Variants in KCNH1 observed in about 807,000 individuals in gnomAD.
KCNH1 encodes potassium voltage-gated channel subfamily H member 1, also known as voltage-gated delayed rectifier potassium channel KCNH1.
Under a neutral mutation model 69.2 loss-of-function variants are expected in KCNH1, and 27 were observed. That is an observed-to-expected ratio of 0.39 (90% CI 0.29 to 0.54). The LOEUF is 0.54. Among genes scored for constraint, KCNH1 ranks in the 20% least tolerant of loss-of-function variants. KCNH1 has a pLI of 0.68. For synonymous variants in KCNH1, 456 were observed against 487.7 expected, an observed-to-expected ratio of 0.93 and a Z score of 0.86; for missense variants, 798 against 1,261.6, an observed-to-expected ratio of 0.63 and a Z score of 5.57.
At chr1:211,102,585 C>T (rs1165136855) in intron 3 of KCNH1, among the ~76,000 whole-genome samples, 2 of 152,134 alleles carry the variant, frequency 1.3e-5, no homozygotes, top group Non-Finnish European at 2.9e-5. Context: ...ACCAAGCGAA[C>T]AGTAATCTCA....
In KCNH1 at chr1:211,092,816, T is replaced by C. The variant is rs1237460134; in HGVS notation, c.311-2126A>G. Among the ~76,000 whole-genome samples, 5 of 143,220 alleles carry C rather than the reference T, an allele frequency of 3.5e-5. No individual in the cohort carries two copies. The East Asian group carries it at 9.9e-4, about 28-fold the overall frequency. 94.0% of individuals were successfully genotyped at this position (143,220 alleles called of 152,430 possible). On this transcript the variant is annotated intron_variant, in intron 3 of 10. Coordinates refer to ENST00000271751, the MANE Select transcript of KCNH1 (RefSeq NM_172362.3). Reference sequence around the variant, plus strand: ...ATCTGTTAAGGCAAAAACACACAAATCAAAAAAAACCTTTTTTTTTTTGCT... The same window carrying C: ...ATCTGTTAAGGCAAAAACACACAAACCAAAAAAAACCTTTTTTTTTTTGCT...
chr1:211,097,464 G>GA (rs1304631924), intron 3 of KCNH1, among the ~76,000 whole-genome samples: 1 of 151,966 alleles, frequency 6.6e-6, no homozygotes, highest in African/African-American at 2.4e-5. Flanking sequence ...AAAGTTAAAA[G>GA]AAAAAATGTT....
At chr1:210,763,014 G>C (rs1241612569) in intron 10 of KCNH1, among the ~76,000 whole-genome samples, 1 of 152,106 alleles carries the variant, frequency 6.6e-6, no homozygotes, top group Non-Finnish European at 1.5e-5. Context: ...ACATCAAAAA[G>C]TTAATTCACT....
intron 6 of KCNH1, among the ~76,000 whole-genome samples, chr1:210,961,722 C>T (rs1219518332): frequency 6.6e-6 from 1 of 152,082 alleles, no homozygotes; most frequent in Non-Finnish European, 1.5e-5. Context: ...TGCCTATAAT[C>T]CCAGCTACTT....
intron 5 of KCNH1, among the ~76,000 whole-genome samples, chr1:211,052,574 A>C (rs1690226840): frequency 6.6e-6 from 1 of 152,210 alleles, no homozygotes; most frequent in South Asian, 2.1e-4. Context: ...GAGCCAAATG[A>C]AGCCAACACC....
intron 6 of KCNH1, among the ~76,000 whole-genome samples, chr1:210,987,837 G>C (rs971723786): frequency 2.6e-5 from 4 of 152,222 alleles, no homozygotes; most frequent in African/African-American, 9.6e-5. Context: ...TAAGTCTGCA[G>C]AGGTTACTGC....
chr1:210,933,737 T>C (rs1687725472), intron 6 of KCNH1, among the ~76,000 whole-genome samples: 1 of 152,086 alleles, frequency 6.6e-6, no homozygotes, highest in Admixed American at 6.5e-5. Context: ...GAAAGGATCA[T>C]TAGAGACTAT....
chr1:210,856,811 ATTATATATATT>A (rs1244145694), intron 7 of KCNH1, among the ~76,000 whole-genome samples: 1 of 122,992 alleles, frequency 8.1e-6, no homozygotes, highest in East Asian at 2.1e-4. Flanking sequence ...TTATATATAT[ATTATATATATT>A]TTATATATAA....
chr1:210,861,986 G>C, intron 7 of KCNH1: 1 of 759,590 alleles, frequency 1.3e-6, no homozygotes, highest in Non-Finnish European at 2.4e-6. Flanking sequence ...TCAGGAGGAT[G>C]GATAATGGCT....
chr1:210,978,899 G>A (rs1407378409), intron 6 of KCNH1, among the ~76,000 whole-genome samples: 2 of 152,166 alleles, frequency 1.3e-5, no homozygotes, highest in Non-Finnish European at 2.9e-5. Context: ...TTCACATGCT[G>A]TTGGGCCCTT....
chr1:211,080,880 G>T (rs1220535741), intron 5 of KCNH1, among the ~76,000 whole-genome samples: 2 of 152,074 alleles, frequency 1.3e-5, no homozygotes, highest in Non-Finnish European at 2.9e-5. Flanking sequence ...GAAAACCTAG[G>T]CAATACCATT....
rs748594307 is a variant in KCNH1 at position 210,963,663 on chromosome 1, G to A, written c.1033-43594C>T. On this transcript the variant is annotated intron_variant, in intron 6 of 10. Coordinates refer to ENST00000271751, the MANE Select transcript of KCNH1 (RefSeq NM_172362.3). ...GAAGCATACACAAGTATCAATAGCC[G>A]AATTGATCAAGCGGAAGAAAGGACA... Among the ~76,000 whole-genome samples the A allele has an allele frequency of 5.9e-5, 9 of 151,796 alleles. No homozygotes were observed. In the South Asian group the frequency reaches 8.3e-4, roughly 14 times the overall value.
At position 210,683,457 on chromosome 1, in the gene KCNH1, C is replaced by G. The variant is rs370643808; in HGVS notation, c.2794G>C (p.Glu932Gln). The G allele has an allele frequency of 5.0e-6, 8 of 1,613,998 alleles. No individual in the cohort carries two copies. Among genetic ancestry groups the G allele is most frequent in the Non-Finnish European group, 5.9e-6 (7 of 1,180,022 alleles). ...AAGGCCTTGATGTCCTCCTTCAGCT[C>G]GTGCCTCACCTCCAGGACTGTGGCC... ...LQATVLEVRH[E>Q]LKEDIKALNA... Residue 932 changes from glutamate (E) to glutamine (Q), a missense_variant, in exon 11 of 11, where the codon GAG (glutamate) becomes CAG (glutamine). Glu to Gln is a conservative substitution (Grantham distance 29). Transcript: ENST00000271751. The surrounding 1 kb of genome is among the most constrained non-coding windows in gnomAD (Gnocchi z 5.7).
At chr1:211,033,096 A>G (rs1689822717) in intron 5 of KCNH1, among the ~76,000 whole-genome samples, 1 of 152,192 alleles carries the variant, frequency 6.6e-6, no homozygotes, top group Admixed American at 6.5e-5. Context: ...CAAAAAGTGG[A>G]TGAAGGATAT....
chr1:210,911,708 C>T (rs144176285), intron 7 of KCNH1, among the ~76,000 whole-genome samples: 298 of 151,790 alleles, frequency 2.0e-3, no homozygotes, highest in African/African-American at 7.0e-3. Flanking sequence ...TGACCCTTAT[C>T]GGTTGGCATT....
chr1:211,024,138 T>A (rs1047726348), intron 5 of KCNH1, among the ~76,000 whole-genome samples: 13 of 152,218 alleles, frequency 8.5e-5, no homozygotes, highest in African/African-American at 3.1e-4. Flanking sequence ...GCACTGGACA[T>A]GCAGCATTGA....
At chr1:210,963,471 C>T (rs941533247) in intron 6 of KCNH1, among the ~76,000 whole-genome samples, 1 of 151,946 alleles carries the variant, frequency 6.6e-6, no homozygotes, top group Non-Finnish European at 1.5e-5. Flanking sequence ...TTCAGAAGGT[C>T]GGTAATAACA....
chr1:210,711,551 T>A (rs1466929834), intron 10 of KCNH1, among the ~76,000 whole-genome samples: 1 of 152,178 alleles, frequency 6.6e-6, no homozygotes, highest in Non-Finnish European at 1.5e-5. Context: ...TTGCCTTTCC[T>A]CCTCCTCTTT....
chr1:210,733,949 TCACACACACA>T (rs142236390), intron 10 of KCNH1, among the ~76,000 whole-genome samples: 23 of 80,448 alleles, frequency 2.9e-4, no homozygotes, highest in East Asian at 1.1e-3. Context: ...TCTGTCTGTC[TCACACACACA>T]CACACACACA....
Sources: allele counts gnomAD v4.1 joint callset (sites outside exome capture counted in the v4.1 genomes callset), GRCh38; gene constraint gnomAD v4.1.1; non-coding constraint Gnocchi (gnomAD v3.1); transcripts MANE v1.5; gene names NCBI Gene and HGNC (gene_info 2026-07-23, HGNC 2026-07-21).